CALN1: variants seen among roughly 807,000 people sequenced by gnomAD.
CALN1 encodes the protein calcium-binding protein 8.
CALN1 carries 17 observed loss-of-function variants against 30.6 expected under a neutral mutation model. The observed-to-expected ratio is 0.56, with a 90% confidence interval of 0.38 to 0.83. The LOEUF is 0.83. Ranked by LOEUF, CALN1 falls within the 40% of genes least tolerant of loss-of-function variation. The pLI, the probability that CALN1 is intolerant of heterozygous loss-of-function variation, is 0.00. For synonymous variants in CALN1, 156 were observed against 131.4 expected (o/e 1.19, Z -1.28); for missense variants, 291 against 354.9 (o/e 0.82, Z 1.45).
chr7:71,823,771 G>A (rs938208148), intron 5 of CALN1, among the ~76,000 whole-genome samples: 7 of 151,854 alleles, frequency 4.6e-5, no homozygotes, highest in African/African-American at 1.7e-4. Flanking sequence ...AGAAAGAAAA[G>A]AAAAGGAAAA....
intron 2 of CALN1, among the ~76,000 whole-genome samples, chr7:72,374,593 C>G (rs1804438749): frequency 6.7e-6 from 1 of 149,442 alleles, no homozygotes; most frequent in Non-Finnish European, 1.5e-5. Context: ...TACAAAGGCA[C>G]TTTCTCAACC....
chr7:72,373,039 C>T (rs1562929829), intron 2 of CALN1, among the ~76,000 whole-genome samples: 1 of 152,090 alleles, frequency 6.6e-6, no homozygotes, highest in Non-Finnish European at 1.5e-5. Flanking sequence ...AACAGAAAGT[C>T]TCAGCAAAGA....
intron 3 of CALN1, among the ~76,000 whole-genome samples, chr7:72,237,835 T>G (rs1794568458): frequency 6.6e-6 from 1 of 152,194 alleles, no homozygotes; most frequent in African/African-American, 2.4e-5. Context: ...ATCAAGGGAA[T>G]GAGGCATGTT....
At chr7:72,383,548 T>C (rs536764128) in intron 2 of CALN1, among the ~76,000 whole-genome samples, 1 of 152,310 alleles carries the variant, frequency 6.6e-6, no homozygotes, top group South Asian at 2.1e-4. Flanking sequence ...GTCTAGGATG[T>C]AATCCCCAGA....
At chr7:72,287,776 C>T (rs1798188367) in intron 2 of CALN1, among the ~76,000 whole-genome samples, 1 of 152,066 alleles carries the variant, frequency 6.6e-6, no homozygotes, top group Non-Finnish European at 1.5e-5. Flanking sequence ...AACAGTTTTC[C>T]ATTGTATATA....
At chr7:72,341,977 G>A (rs1302116383) in intron 2 of CALN1, among the ~76,000 whole-genome samples, 2 of 151,980 alleles carry the variant, frequency 1.3e-5, no homozygotes, top group East Asian at 1.9e-4. Flanking sequence ...GAGAAGGCTA[G>A]GCAGTGGCTC....
intron 3 of CALN1, among the ~76,000 whole-genome samples, chr7:72,199,135 C>A (rs1030613857): frequency 6.6e-6 from 1 of 151,978 alleles, no homozygotes; most frequent in Non-Finnish European, 1.5e-5. Context: ...ACTAGCTGGG[C>A]GTGGTGGTGG....
the CALN1 span, among the ~76,000 whole-genome samples, chr7:72,502,021 T>A: frequency 1.4e-5 from 2 of 142,866 alleles, no homozygotes; most frequent in African/African-American, 2.6e-5. Context: ...ATATATATTC[T>A]TTAAATGATC....
At chr7:72,331,069 G>A (rs1423973164) in intron 2 of CALN1, among the ~76,000 whole-genome samples, 2 of 152,088 alleles carry the variant, frequency 1.3e-5, no homozygotes, top group Non-Finnish European at 2.9e-5. Flanking sequence ...ATCTCTCCTG[G>A]CCGGGCACGG....
chr7:72,014,045 CT>C (rs1238765437), intron 5 of CALN1, among the ~76,000 whole-genome samples: 1 of 142,896 alleles, frequency 7.0e-6, no homozygotes, highest in East Asian at 2.1e-4. Context: ...AAATACATTT[CT>C]TTCTATTTAC....
chr7:72,250,740 C>T (rs1422603165), intron 3 of CALN1, among the ~76,000 whole-genome samples: 2 of 151,992 alleles, frequency 1.3e-5, no homozygotes, highest in African/African-American at 2.4e-5. Context: ...ACGTGATGCC[C>T]ACTCCCCTTC....
At chr7:72,301,687 T>TCATC (rs1799271872) in intron 2 of CALN1, among the ~76,000 whole-genome samples, 1 of 150,428 alleles carries the variant, frequency 6.6e-6, no homozygotes, top group African/African-American at 2.4e-5. Context: ...AGTAAGGCCT[T>TCATC]CATCTCCTGG....
At chr7:71,933,112 T>G (rs1344241007) in intron 5 of CALN1, among the ~76,000 whole-genome samples, 1 of 103,372 alleles carries the variant, frequency 9.7e-6, no homozygotes, top group Non-Finnish European at 2.3e-5. Flanking sequence ...CTTGCATGGG[T>G]GAATGCCATC....
chr7:72,046,828 G>A lies in CALN1; in HGVS notation c.389-23059C>T, dbSNP rs10242489. The stretch of plus-strand genomic sequence containing the variant: ...GAATTGCATGAGCCCAGGAGTCTGA[G>A]ACCAGTCTGGGCAACCTAGCAAAAT... On this transcript the variant is annotated intron_variant, in intron 4 of 6. Transcript: ENST00000395275. Among the ~76,000 whole-genome samples, 8 of 150,780 alleles carry A rather than the reference G, an allele frequency of 5.3e-5. No homozygotes were observed. In the South Asian group the frequency reaches 1.7e-3, roughly 32 times the overall value.
chr7:72,359,990 A>AAAAAAAAAAAAAAAAAAAAAAAAAAAC (rs1365927582), intron 2 of CALN1, among the ~76,000 whole-genome samples: 27 of 148,272 alleles, frequency 1.8e-4, no homozygotes, highest in African/African-American at 2.3e-4. Context: ...AAAAAAAAAA[A>AAAAAAAAAAAAAAAAAAAAAAAAAAAC]ACCAAAGTTG....
intron 2 of CALN1, among the ~76,000 whole-genome samples, chr7:72,384,119 AG>A (rs1805068189): frequency 6.6e-6 from 1 of 152,214 alleles, no homozygotes; most frequent in Admixed American, 6.5e-5. Context: ...TGGAGGAAGG[AG>A]GCGGCAAAAT....
chr7:71,881,235 T>C (rs911997971), intron 5 of CALN1, among the ~76,000 whole-genome samples: 1 of 152,208 alleles, frequency 6.6e-6, no homozygotes, highest in Non-Finnish European at 1.5e-5. Flanking sequence ...TGTTGACTTC[T>C]CTACTTTTGA....
At chr7:72,473,318 G>A in the CALN1 span, among the ~76,000 whole-genome samples, 1 of 151,916 alleles carries the variant, frequency 6.6e-6, no homozygotes, top group African/African-American at 2.4e-5. Context: ...GTCTCAGGGT[G>A]CCCATCTGAG....
chr7:71,972,084 A>C (rs1320089163), intron 5 of CALN1, among the ~76,000 whole-genome samples: 1 of 152,128 alleles, frequency 6.6e-6, no homozygotes, highest in Non-Finnish European at 1.5e-5. Context: ...CCAACTAAAA[A>C]GAGGTGAATA....
Sources: gnomAD v4.1 joint callset for allele counts (sites outside exome capture counted in the v4.1 genomes callset) on GRCh38, gnomAD v4.1.1 for gene constraint, MANE v1.5 for transcripts, NCBI Gene and HGNC (gene_info 2026-07-23, HGNC 2026-07-21) for gene names.